Variants in WDFY3 observed in about 807,000 individuals in gnomAD.
The protein encoded by WDFY3 is WD repeat and FYVE domain containing 3, also known as WD repeat and FYVE domain-containing protein 3.
A neutral mutation model predicts 409.6 loss-of-function variants in WDFY3; 66 were observed. The ratio of observed to expected loss-of-function variants is 0.16; its 90% CI spans 0.13 to 0.20. The LOEUF is 0.20. Ranked by LOEUF, WDFY3 falls within the 10% of genes least tolerant of loss-of-function variation. The pLI, the probability that WDFY3 is intolerant of heterozygous loss-of-function variation, is 1.00. For missense variants in WDFY3, 3,031 were observed against 4,298.1 expected, an observed-to-expected ratio of 0.71 and a Z score of 8.24; for synonymous variants, 1,521 against 1,537.1, an observed-to-expected ratio of 0.99 and a Z score of 0.25.
chr4:84,769,463 G>A (rs911655237), intron 30 of WDFY3, among the ~76,000 whole-genome samples: 5 of 152,114 alleles, frequency 3.3e-5, no homozygotes, highest in Non-Finnish European at 5.9e-5. Context: ...CGCCCAGGCT[G>A]GAGTGCAGTG....
chr4:84,691,500 C>T, intron 60 of WDFY3, 131 bp downstream of exon 60: 1 of 995,234 alleles, frequency 1.0e-6, no homozygotes, highest in Admixed American at 2.4e-5. Context: ...GGAAAGCTCA[C>T]TTTTCTTTTG....
intron 49 of WDFY3, 40 bp downstream of exon 49, chr4:84,716,856 T>A: frequency 1.4e-6 from 2 of 1,411,214 alleles, no homozygotes; most frequent in Non-Finnish European, 9.3e-7. Context: ...ATTTTCAGAA[T>A]AAAGAAACAT....
At chr4:84,742,048 G>T in intron 37 of WDFY3, 127 bp from the exon 38 acceptor site, 1 of 766,628 alleles carries the variant, frequency 1.3e-6, no homozygotes, top group Non-Finnish European at 2.0e-6. Flanking sequence ...ATGACTACTA[G>T]CTTTTATGCA....
chr4:84,908,920 C>T (rs190430417), intron 2 of WDFY3, among the ~76,000 whole-genome samples: 3 of 152,130 alleles, frequency 2.0e-5, no homozygotes, highest in Admixed American at 2.0e-4. Flanking sequence ...AACATCTATT[C>T]CTAGCACTAA....
intron 1 of WDFY3, among the ~76,000 whole-genome samples, chr4:84,956,847 A>T (rs1774297335): frequency 6.6e-6 from 1 of 152,140 alleles, no homozygotes; most frequent in Non-Finnish European, 1.5e-5. Context: ...AGCTTGCTTA[A>T]TTACTGCAGC....
At chr4:84,903,041 T>C (rs953365160) in intron 2 of WDFY3, among the ~76,000 whole-genome samples, 1 of 152,136 alleles carries the variant, frequency 6.6e-6, no homozygotes, top group Non-Finnish European at 1.5e-5. Context: ...AGTGCTAAAA[T>C]CAAATCACGA....
Position 84,677,265 on chromosome 4 carries a change from G to C in WDFY3, c.10391C>G (p.Ser3464Trp). The C allele has an allele frequency of 1.2e-6, 2 of 1,614,168 alleles. No individual in the cohort carries two copies. The highest frequency in any genetic ancestry group is 2.2e-5 in the East Asian group (1 of 44,884). ...DEGGDSCSGC[S>W]VRFSLTERRH... is the part of the protein sequence containing the mutation. Reference sequence around the variant, plus strand: ...TCTTTCTGTGAGTGAAAACCTCACCGAGCAGCCTGAGCAGCTGTCACCACC... The same window carrying C: ...TCTTTCTGTGAGTGAAAACCTCACCCAGCAGCCTGAGCAGCTGTCACCACC... The change falls in exon 67 of 68, where the codon TCG (serine) becomes TGG (tryptophan). Residue 3464 changes from serine (S) to tryptophan (W), a missense_variant. Ser to Trp is a radical substitution (Grantham distance 177, BLOSUM62 -3). Around this residue, in one of 16 missense-constraint regions of WDFY3, gnomAD observed 378 missense variants for 477.3 expected, o/e 0.79. Coordinates refer to ENST00000295888, the MANE Select transcript of WDFY3 (RefSeq NM_014991.6).
intron 3 of WDFY3, among the ~76,000 whole-genome samples, chr4:84,889,028 C>T (rs1438153458): frequency 1.3e-5 from 2 of 152,068 alleles, no homozygotes; most frequent in Non-Finnish European, 2.9e-5. Context: ...AATACTTAGA[C>T]TACTTCAAAA....
chr4:84,882,722 T>A (rs1763707675), intron 3 of WDFY3, among the ~76,000 whole-genome samples: 1 of 152,044 alleles, frequency 6.6e-6, no homozygotes, highest in African/African-American at 2.4e-5. Context: ...ACCTATATTT[T>A]TTTTTTTTTT....
Position 84,724,554 on chromosome 4 carries a change from T to C in WDFY3, c.7313A>G (p.Lys2438Arg). Reference protein sequence around the residue: ...RYRRAVSYDSKEYYMRLASGN... With the variant: ...RYRRAVSYDSREYYMRLASGN... ...AGAGGCCAGTCGCATGTAGTACTCTTTACTGTCATAACTTACGGCTCTTCT... is the reference window on the plus strand; with the variant it reads ...AGAGGCCAGTCGCATGTAGTACTCTCTACTGTCATAACTTACGGCTCTTCT... The change falls in exon 46 of 68, where the codon AAA becomes AGA. Residue 2438 changes from lysine to arginine, a missense_variant. Coordinates refer to ENST00000295888, the MANE Select transcript of WDFY3 (RefSeq NM_014991.6). The C allele has an allele frequency of 6.2e-7, 1 of 1,614,042 alleles. No homozygotes were observed. The highest frequency in any genetic ancestry group is 8.5e-7 in the Non-Finnish European group (1 of 1,179,964).
At chr4:84,881,584 T>TA (rs70943379) in intron 3 of WDFY3, among the ~76,000 whole-genome samples, 56,305 of 146,490 alleles carry the variant, frequency 0.38, 10,672 homozygotes, top group Admixed American at 0.47. Flanking sequence ...TTACAATCAT[T>TA]AAAAAAAAAA....
intron 3 of WDFY3, chr4:84,886,496 A>T (rs1000480429): frequency 1.3e-5 from 2 of 151,940 alleles, no homozygotes; most frequent in African/African-American, 4.8e-5. Flanking sequence ...AATCAGATAC[A>T]TGTATTTTTT....
intron 2 of WDFY3, among the ~76,000 whole-genome samples, chr4:84,917,191 T>C (rs1283474316): frequency 2.0e-5 from 3 of 152,136 alleles, no homozygotes; most frequent in Non-Finnish European, 2.9e-5. Context: ...TCTGACCTAT[T>C]ATCTTTTTTC....
In WDFY3 at chr4:84,782,992, G is replaced by A. The variant is rs759599232; in HGVS notation, c.4145C>T (p.Thr1382Ile). Residue 1382 changes from threonine to isoleucine, a missense_variant, in exon 25 of 68, where the codon ACA becomes ATA. Thr to Ile is a moderately conservative substitution (Grantham distance 89, BLOSUM62 -1). Around this residue, in one of 16 missense-constraint regions of WDFY3, gnomAD observed 1,322 missense variants for 1,697.9 expected, o/e 0.78. Coordinates refer to ENST00000295888, the MANE Select transcript of WDFY3 (RefSeq NM_014991.6). ...SAGHLNGSAR[T>I]IGAALIGYLG... ...GTATCCAATCAGAGCGGCCCCAATT[G>A]TCCGTGCAGATCCATTAAGATGTCC... 3.1e-6 allele frequency: 5 copies of A among 1,613,996 alleles called. No individual in the cohort carries two copies. The highest frequency in any genetic ancestry group is 1.1e-5 in the South Asian group (1 of 91,092).
intron 36 of WDFY3, among the ~76,000 whole-genome samples, chr4:84,746,729 T>C (rs969745896): frequency 6.6e-6 from 1 of 152,176 alleles, no homozygotes; most frequent in African/African-American, 2.4e-5. Flanking sequence ...TTTTTCTTTT[T>C]AAACAATTCA....
At chr4:84,961,980 T>C (rs1293438805) in intron 1 of WDFY3, among the ~76,000 whole-genome samples, 1 of 152,262 alleles carries the variant, frequency 6.6e-6, no homozygotes, top group African/African-American at 2.4e-5. Context: ...TGAACATTTT[T>C]GTCCCTCACA....
At chr4:84,800,674 T>C (rs1441182747) in intron 17 of WDFY3, among the ~76,000 whole-genome samples, 1 of 152,192 alleles carries the variant, frequency 6.6e-6, no homozygotes, top group African/African-American at 2.4e-5. Context: ...AGCGGTTTTG[T>C]GGAAGACAAT....
chr4:84,914,080 C>T (rs1195703967), intron 2 of WDFY3, among the ~76,000 whole-genome samples: 1 of 152,102 alleles, frequency 6.6e-6, no homozygotes, highest in Non-Finnish European at 1.5e-5. Flanking sequence ...GTGTAACATA[C>T]AAAATACGTG....
At chr4:84,754,228 T>C (rs1344319364) in intron 34 of WDFY3, among the ~76,000 whole-genome samples, 2 of 152,172 alleles carry the variant, frequency 1.3e-5, no homozygotes, top group Non-Finnish European at 2.9e-5. Flanking sequence ...TCGTGCATCA[T>C]GCTAAGTTAG....
Sources: allele counts gnomAD v4.1 joint callset (sites outside exome capture counted in the v4.1 genomes callset), GRCh38; gene constraint gnomAD v4.1.1; regional missense constraint gnomAD v4.1.1; transcripts MANE v1.5; gene names NCBI Gene and HGNC (gene_info 2026-07-23, HGNC 2026-07-21).